The following RPL17 variants were observed in gnomAD, a reference collection of about 807,000 sequenced individuals.
The protein encoded by RPL17 is large ribosomal subunit protein uL22.
A neutral mutation model predicts 27.7 loss-of-function variants in RPL17; 2 were observed. The ratio of observed to expected loss-of-function variants is 0.07; its 90% confidence interval spans 0.03 to 0.23. The LOEUF (loss-of-function observed/expected upper bound fraction) is 0.23. Among genes scored for constraint, RPL17 ranks in the 10% least tolerant of loss-of-function variants. The pLI, the probability that RPL17 is intolerant of heterozygous loss-of-function variation, is 1.00. For missense variants in RPL17, 141 were observed against 238.8 expected (o/e 0.59, Z 2.70); for synonymous variants, 76 against 75.5 (o/e 1.01, Z -0.03).
At chr18:49,491,501 G>A in intron 2 of RPL17, 31 bp downstream of exon 2, 1 of 1,614,148 alleles carries the variant, frequency 6.2e-7, no homozygotes, top group Non-Finnish European at 8.5e-7. Context: ...GCCCCAAGTA[G>A]GAAATGGGTA....
chr18:49,491,686 T>TAA, intron 1 of RPL17, 102 bp from the exon 2 acceptor site: 1 of 1,389,286 alleles, frequency 7.2e-7, no homozygotes, highest in East Asian at 2.3e-5. Flanking sequence ...GTAGTTGTTT[T>TAA]CATTATTAAT....
chr18:49,488,670 G>A (rs2083830869), intron 6 of RPL17, 104 bp from the exon 7 acceptor site: 1 of 708,428 alleles, frequency 1.4e-6, no homozygotes, highest in Non-Finnish European at 2.6e-6. Context: ...TAAGGACTAA[G>A]GGGGAAAAAT....
intron 1 of RPL17, chr18:49,492,075 C>G (rs1334533502): frequency 2.3e-5 from 5 of 214,298 alleles, no homozygotes; most frequent in African/African-American, 1.1e-4. Context: ...CGTGTTACGC[C>G]TCCACCCGAC....
At chr18:49,490,707 T>TCA (rs1315910088) in intron 4 of RPL17, 86 bp downstream of exon 4, 2 of 1,600,904 alleles carry the variant, frequency 1.2e-6, no homozygotes, top group African/African-American at 2.7e-5. Context: ...AATAGGTTCA[T>TCA]CAGCACAGAT....
chr18:49,491,614 A>G (rs767751269), intron 1 of RPL17, 30 bp from the exon 2 acceptor site: 2 of 1,611,276 alleles, frequency 1.2e-6, no homozygotes. Context: ...AATTCTGTCA[A>G]TACGTACTTA....
intron 1 of RPL17, chr18:49,491,984 G>A (rs899976769): frequency 2.8e-5 from 10 of 361,190 alleles, no homozygotes; most frequent in Non-Finnish European, 5.4e-5. Flanking sequence ...AGGGCTGCAG[G>A]TAGTGAGTGC....
At chr18:49,491,352 C>T (rs376040334) in intron 3 of RPL17, 53 bp downstream of exon 3, 103 of 1,613,426 alleles carry the variant, frequency 6.4e-5, no homozygotes, top group Non-Finnish European at 8.4e-5. Context: ...CTGCAGCTAC[C>T]TTTTTTGAGT....
chr18:49,490,988 G>A (rs546656857), intron 3 of RPL17, 61 bp from the exon 4 acceptor site: 33 of 1,587,154 alleles, frequency 2.1e-5, no homozygotes, highest in South Asian at 1.0e-4. Flanking sequence ...TAAAGTAAAC[G>A]TTAAATTTTC....
intron 3 of RPL17, 182 bp from the exon 4 acceptor site, chr18:49,491,109 C>G (rs1193994582): frequency 2.0e-6 from 2 of 1,010,000 alleles, no homozygotes; most frequent in Non-Finnish European, 2.9e-6. Flanking sequence ...GAGAAAACTC[C>G]AAAACTCCAT....
At position 49,490,805 on chromosome 18, in the gene RPL17, G is replaced by C; in HGVS notation, c.204C>G (p.Gly68=). The C allele has an allele frequency of 6.2e-7, 1 of 1,612,786 alleles. No individual in the cohort carries two copies. Among genetic ancestry groups the C allele is most frequent in the Non-Finnish European group, 8.5e-7 (1 of 1,179,808 alleles). Residue 68 remains glycine (G), a synonymous_variant, in exon 4 of 7, where the codon GGC becomes GGG. Coordinates refer to ENST00000580261, the MANE Select transcript of RPL17 (RefSeq NM_001035006.5). The part of the protein sequence containing the change: ...VPFRRYNGGV[G]RCAQAKQWGW... Reference sequence around the variant, plus strand: ...TAAGAATTCTCACCTGCGCACACCTGCCAACTCCACCATTGTAACGTCGGA... The same window carrying C: ...TAAGAATTCTCACCTGCGCACACCTCCCAACTCCACCATTGTAACGTCGGA...
chr18:49,490,593 A>T (rs1370192406), intron 4 of RPL17, 41 bp from the exon 5 acceptor site: 3 of 1,612,236 alleles, frequency 1.9e-6, no homozygotes, highest in Non-Finnish European at 2.5e-6. Context: ...TCCTTGATTT[A>T]AATTAACATT....
intron 5 of RPL17, chr18:49,490,117 ATAAT>A (rs1424131916): frequency 2.5e-5 from 6 of 244,514 alleles, no homozygotes; most frequent in Non-Finnish European, 4.8e-5. Context: ...AATCATTTTG[ATAAT>A]TAATCATACT....
intron 6 of RPL17, 129 bp from the exon 7 acceptor site, chr18:49,488,695 A>C (rs1290205407): frequency 1.6e-6 from 1 of 644,682 alleles, no homozygotes. Flanking sequence ...AAATGGTAGA[A>C]ATCAACAGAA....
Position 49,491,474 on chromosome 18 carries a change from T to C in RPL17, c.41-29A>G, listed in dbSNP as rs768478261. 8.7e-6 allele frequency: 14 copies of C among 1,614,054 alleles called. No homozygotes were observed. In the Admixed American group the frequency reaches 2.2e-4, roughly 25 times the overall value. On this transcript the variant is annotated intron_variant, in intron 2 of 6. Transcript: ENST00000580261. Reference sequence around the variant, plus strand: ...GAAAATAAAACGTTTTGGTTAATTTTTGGTATCTTATGCCAAGCCCCAAGT... The same window carrying C: ...GAAAATAAAACGTTTTGGTTAATTTCTGGTATCTTATGCCAAGCCCCAAGT...
Position 49,491,437 on chromosome 18 carries a change from A to C in RPL17, c.49T>G (p.Ser17Ala), listed in dbSNP as rs757767361. ...TGAACACGAAGATTGGAACCTCTTG[A>C]TTTGCATGCTAGAAAATAAAACGTT... Reference protein sequence around the residue: ...DPENPTKSCKSRGSNLRVHFK... With the variant: ...DPENPTKSCKARGSNLRVHFK... Residue 17 changes from serine (S) to alanine (A), a missense_variant, in exon 3 of 7, where the codon TCA becomes GCA. By Grantham distance (99) the Ser-to-Ala change is moderately conservative. Around this residue, in one of 2 missense-constraint regions of RPL17, gnomAD observed 107 missense variants for 150.1 expected, o/e 0.71. Coordinates refer to ENST00000580261, the MANE Select transcript of RPL17 (RefSeq NM_001035006.5). 3 of 1,614,138 alleles carry C rather than the reference A, an allele frequency of 1.9e-6. No individual in the cohort carries two copies. In the South Asian group the frequency reaches 3.3e-5, roughly 18 times the overall value.
At position 49,492,218 on chromosome 18, in the gene RPL17, C is replaced by T. The variant is rs529026720; in HGVS notation, c.-14+240G>A. On this transcript the variant is annotated intron_variant, in intron 1 of 6. Transcript: ENST00000580261. Reference sequence around the variant, plus strand: ...CGGCGCCCCCACCAGTGGAGGAGCCCGGTAGTCCCCATTCCCGCCCATCAC... The same window carrying T: ...CGGCGCCCCCACCAGTGGAGGAGCCTGGTAGTCCCCATTCCCGCCCATCAC... 11 of 154,956 alleles carry T rather than the reference C, an allele frequency of 7.1e-5. No individual in the cohort carries two copies. In the South Asian group the frequency reaches 1.9e-3, roughly 27 times the overall value. The allele number at this position is 154,956 out of a possible 1,614,324, so 9.6% of individuals were successfully genotyped here. A position where few individuals can be genotyped will look rare whatever the true frequency, so the allele number is the denominator to read the frequency against.
intron 5 of RPL17, among the ~76,000 whole-genome samples, chr18:49,490,088 C>T (rs1335683607): frequency 6.6e-6 from 1 of 152,222 alleles, no homozygotes; most frequent in Non-Finnish European, 1.5e-5. Flanking sequence ...CCACAAACCA[C>T]ATTAATCACT....
chr18:49,491,352 CTTT>C, intron 3 of RPL17, 50 bp downstream of exon 3: 2 of 1,613,546 alleles, frequency 1.2e-6, no homozygotes, highest in African/African-American at 1.3e-5. Context: ...CTGCAGCTAC[CTTT>C]TTTGAGTGGA....
chr18:49,489,169 G>A, intron 6 of RPL17, 190 bp downstream of exon 6: 1 of 568,484 alleles, frequency 1.8e-6, no homozygotes, highest in Non-Finnish European at 3.0e-6. Context: ...CCAAAGTGCT[G>A]GGATTACAGA....
Sources: gnomAD v4.1 joint callset for allele counts (sites outside exome capture counted in the v4.1 genomes callset) on GRCh38, gnomAD v4.1.1 for gene constraint, gnomAD v4.1.1 regional missense constraint, MANE v1.5 for transcripts, NCBI Gene and HGNC (gene_info 2026-07-23, HGNC 2026-07-21) for gene names.